CCSER1: variants seen among roughly 807,000 people sequenced by gnomAD.
CCSER1 encodes coiled-coil serine rich protein 1.
A neutral mutation model predicts 82.0 loss-of-function variants in CCSER1; 41 were observed. The observed-to-expected ratio is 0.50, with a 90% CI of 0.39 to 0.65. The LOEUF is 0.65. Ranked by LOEUF, CCSER1 falls within the 30% of genes least tolerant of loss-of-function variation. The pLI is 0.00. For missense variants in CCSER1, 1,119 were observed against 1,064.2 expected, an observed-to-expected ratio of 1.05 and a Z score of -0.72; for synonymous variants, 414 against 383.9, an observed-to-expected ratio of 1.08 and a Z score of -0.92.
intron 10 of CCSER1, among the ~76,000 whole-genome samples, chr4:91,313,703 G>A (rs992556267): frequency 3.3e-5 from 5 of 151,812 alleles, no homozygotes; most frequent in African/African-American, 9.7e-5. Flanking sequence ...CCTTGAGTCC[G>A]AGTTCACCAT....
At chr4:90,782,945 G>A (rs1754005319) in intron 7 of CCSER1, among the ~76,000 whole-genome samples, 1 of 150,004 alleles carries the variant, frequency 6.7e-6, no homozygotes, top group Non-Finnish European at 1.5e-5. Flanking sequence ...CTCCCGAAGT[G>A]CGTTTTGAGA....
intron 4 of CCSER1, among the ~76,000 whole-genome samples, chr4:90,444,155 T>G (rs1318516773): frequency 4.6e-5 from 7 of 152,042 alleles, no homozygotes; most frequent in Admixed American, 4.6e-4. Context: ...CTTTTATCTT[T>G]TGAGATTCAG....
At chr4:90,777,142 G>A (rs1753009100) in intron 7 of CCSER1, among the ~76,000 whole-genome samples, 1 of 151,718 alleles carries the variant, frequency 6.6e-6, no homozygotes, top group African/African-American at 2.4e-5. Flanking sequence ...GATCACCTGA[G>A]GGTCAAGAGT....
chr4:90,234,080 C>T (rs1035844791), intron 1 of CCSER1, among the ~76,000 whole-genome samples: 7 of 151,704 alleles, frequency 4.6e-5, no homozygotes, highest in South Asian at 2.1e-4. Flanking sequence ...ATTTTAAATC[C>T]GAAAATAATA....
intron 10 of CCSER1, among the ~76,000 whole-genome samples, chr4:91,589,250 A>G (rs1049771650): frequency 2.6e-5 from 4 of 151,914 alleles, no homozygotes; most frequent in African/African-American, 9.7e-5. Context: ...GAGTAAAATT[A>G]CTTGTAAGAT....
intron 3 of CCSER1, among the ~76,000 whole-genome samples, chr4:90,353,546 T>G (rs1279689162): frequency 2.0e-5 from 3 of 152,056 alleles, no homozygotes; most frequent in Admixed American, 2.0e-4. Flanking sequence ...GAATGAAAAT[T>G]GGTTTGAGAT....
intron 5 of CCSER1, among the ~76,000 whole-genome samples, chr4:90,594,763 T>C (rs928283932): frequency 6.6e-6 from 1 of 151,998 alleles, no homozygotes; most frequent in Admixed American, 6.6e-5. Context: ...TATCAAAGAA[T>C]TGAGGTGCTT....
At chr4:90,184,312 C>T (rs1390074957) in intron 1 of CCSER1, among the ~76,000 whole-genome samples, 1 of 152,076 alleles carries the variant, frequency 6.6e-6, no homozygotes, top group Non-Finnish European at 1.5e-5. Flanking sequence ...CTGTCAGCAG[C>T]CCCTGTTGGG....
intron 10 of CCSER1, among the ~76,000 whole-genome samples, chr4:91,186,422 G>A (rs890619297): frequency 6.6e-6 from 1 of 152,032 alleles, no homozygotes; most frequent in Non-Finnish European, 1.5e-5. Flanking sequence ...TGCTTTAAGA[G>A]TACTTGGGTG....
chr4:91,224,493 A>C (rs1404817886), intron 10 of CCSER1, among the ~76,000 whole-genome samples: 1 of 152,152 alleles, frequency 6.6e-6, no homozygotes, highest in Non-Finnish European at 1.5e-5. Context: ...ATGTGCTATT[A>C]GTCATATGTG....
intron 10 of CCSER1, among the ~76,000 whole-genome samples, chr4:91,416,931 G>A (rs1753398417): frequency 6.6e-6 from 1 of 152,046 alleles, no homozygotes; most frequent in South Asian, 2.1e-4. Context: ...TACAAAATGG[G>A]AGAAAATTTT....
intron 10 of CCSER1, among the ~76,000 whole-genome samples, chr4:91,323,519 G>C (rs886186271): frequency 6.6e-6 from 1 of 152,024 alleles, no homozygotes; most frequent in Non-Finnish European, 1.5e-5. Context: ...TGTACATAAT[G>C]ACATAAATAG....
intron 3 of CCSER1, among the ~76,000 whole-genome samples, chr4:90,314,910 G>A (rs1735916177): frequency 7.5e-6 from 1 of 132,628 alleles, no homozygotes; most frequent in Non-Finnish European, 1.5e-5. Flanking sequence ...GCACTGGTGC[G>A]ATCTCGGTTC....
chr4:90,604,232 T>C (rs965670288), intron 5 of CCSER1, among the ~76,000 whole-genome samples: 2 of 152,190 alleles, frequency 1.3e-5, no homozygotes, highest in Non-Finnish European at 2.9e-5. Flanking sequence ...GTATTTTTTT[T>C]CTATATCTCA....
At chr4:91,294,677 CCT>C (rs1335923309) in intron 10 of CCSER1, among the ~76,000 whole-genome samples, 4 of 151,908 alleles carry the variant, frequency 2.6e-5, no homozygotes, top group African/African-American at 7.2e-5. Context: ...AGTCTCTCCC[CCT>C]GTTTCCGCAT....
At chr4:91,375,445 A>G (rs1750341666) in intron 10 of CCSER1, among the ~76,000 whole-genome samples, 1 of 152,182 alleles carries the variant, frequency 6.6e-6, no homozygotes, top group South Asian at 2.1e-4. Context: ...AAATGTTATC[A>G]AACAGCATTA....
chr4:91,302,655 T>G (rs1744757112), intron 10 of CCSER1, among the ~76,000 whole-genome samples: 1 of 152,038 alleles, frequency 6.6e-6, no homozygotes, highest in African/African-American at 2.4e-5. Context: ...AAAGGCCTTA[T>G]TATTCTAGTG....
chr4:90,140,756 C>T (rs1724610916), intron 1 of CCSER1, among the ~76,000 whole-genome samples: 1 of 149,332 alleles, frequency 6.7e-6, no homozygotes, highest in African/African-American at 2.5e-5. Flanking sequence ...CCTCCAACTC[C>T]CTGGTTCAAG....
intron 10 of CCSER1, among the ~76,000 whole-genome samples, chr4:91,381,292 C>T (rs112061614): frequency 6.6e-6 from 1 of 152,222 alleles, no homozygotes; most frequent in Admixed American, 6.5e-5. Context: ...GAATGTTGGC[C>T]TGCCTTGCTA....
Sources: allele counts gnomAD v4.1 joint callset (sites outside exome capture counted in the v4.1 genomes callset), GRCh38; gene constraint gnomAD v4.1.1; transcripts MANE v1.5; gene names NCBI Gene and HGNC (gene_info 2026-07-23, HGNC 2026-07-21).